The following PRICKLE2 variants were observed in gnomAD, a reference collection of about 807,000 sequenced individuals.
PRICKLE2 encodes the protein prickle-like protein 2.
Under a neutral mutation model 81.4 loss-of-function variants are expected in PRICKLE2, and 21 were observed. The observed-to-expected ratio is 0.26, with a 90% CI of 0.18 to 0.37. The LOEUF is 0.37. PRICKLE2 is among the 10% of genes least tolerant of loss of function. The pLI, the probability that PRICKLE2 is intolerant of heterozygous loss-of-function variation, is 1.00. For missense variants in PRICKLE2, 940 were observed against 1,109.0 expected (o/e 0.85, Z 2.16); for synonymous variants, 456 against 421.5 (o/e 1.08, Z -1.00).
intron 7 of PRICKLE2, 73 bp downstream of exon 7, chr3:64,146,756 AT>A: frequency 1.9e-6 from 3 of 1,558,792 alleles, no homozygotes; most frequent in Non-Finnish European, 2.6e-6. Context: ...AAAAAAAAAA[AT>A]TCCTGGGGAC....
At position 64,099,774 on chromosome 3, in the gene PRICKLE2, T is replaced by A. The variant is rs1471051353; in HGVS notation, c.1812A>T (p.Ser604=). 6.2e-7 allele frequency: 1 copy of A among 1,614,230 alleles called. No homozygotes were observed. Among genetic ancestry groups the A allele is most frequent in the South Asian group, 1.1e-5 (1 of 91,088 alleles). Residue 604 remains serine, a synonymous_variant, in exon 8 of 8, where the codon TCA becomes TCT. Transcript: ENST00000638394. This position sits in a 1 kb window ranked among gnomAD's most constrained non-coding sequence, Gnocchi z 4.3. ...NSSMQFRSAE[S]VRSLLSAQQY... is the part of the protein sequence containing the mutation. ...GCTGGGCAGAGAGCAGGCTGCGAAC[T>A]GACTCTGCGCTCCGGAACTGCATGG... is the stretch of plus-strand genomic sequence containing the variant.
chr3:64,238,143 T>C (rs2079209172), intron 2 of PRICKLE2, among the ~76,000 whole-genome samples: 1 of 152,124 alleles, frequency 6.6e-6, no homozygotes, highest in South Asian at 2.1e-4. Flanking sequence ...ACAGTTGAAA[T>C]GAACAGAAGA....
At chr3:64,105,294 C>T (rs1318288277) in intron 7 of PRICKLE2, among the ~76,000 whole-genome samples, 4 of 152,192 alleles carry the variant, frequency 2.6e-5, no homozygotes, top group African/African-American at 7.2e-5. Flanking sequence ...ACTACTCACC[C>T]TGACTTATTA....
At position 64,163,111 on chromosome 3, in the gene PRICKLE2, A is replaced by G. The variant is rs781210176; in HGVS notation, c.163T>C (p.Cys55Arg). The G allele has an allele frequency of 7.5e-6, 12 of 1,609,704 alleles. No homozygotes were observed. In the Admixed American group the frequency reaches 1.8e-4, roughly 25 times the overall value. ...TAAGGGACTTTCTCTTCTGGGAGAC[A>G]GCTATAGTACTGGTGTACCTGAAGG... The part of the protein sequence containing the change: ...KPEQVHQYYS[C>R]LPEEKVPYVN... The change falls in exon 3 of 8, where the codon TGT (cysteine) becomes CGT (arginine). Residue 55 changes from cysteine (C) to arginine (R), a missense_variant. Physicochemically the swap from Cys to Arg is radical, Grantham distance 180 (BLOSUM62 -3). Around this residue, in one of 2 missense-constraint regions of PRICKLE2, gnomAD observed 270 missense variants for 391.8 expected, o/e 0.69. Coordinates refer to ENST00000638394, the MANE Select transcript of PRICKLE2 (RefSeq NM_198859.4).
At chr3:64,253,936 C>T (rs938735969) in intron 2 of PRICKLE2, among the ~76,000 whole-genome samples, 1 of 152,190 alleles carries the variant, frequency 6.6e-6, no homozygotes, top group African/African-American at 2.4e-5. Context: ...TGCACTGTCG[C>T]ACTCTCTGAA....
At chr3:64,253,758 T>G (rs1346053941) in intron 2 of PRICKLE2, among the ~76,000 whole-genome samples, 1 of 151,176 alleles carries the variant, frequency 6.6e-6, no homozygotes, top group Middle Eastern at 3.2e-3. Flanking sequence ...AAGGACTTAC[T>G]TCTTACCACA....
At chr3:64,184,173 T>C (rs1362713618) in intron 2 of PRICKLE2, among the ~76,000 whole-genome samples, 1 of 152,236 alleles carries the variant, frequency 6.6e-6, no homozygotes, top group Non-Finnish European at 1.5e-5. Flanking sequence ...TTCAAAACAA[T>C]TGGCCATTCT....
At chr3:64,150,140 G>A (rs756165672) in intron 6 of PRICKLE2, among the ~76,000 whole-genome samples, 1 of 151,956 alleles carries the variant, frequency 6.6e-6, no homozygotes, top group Non-Finnish European at 1.5e-5. Flanking sequence ...AGACATCACA[G>A]GGACATGGGA....
intron 2 of PRICKLE2, among the ~76,000 whole-genome samples, chr3:64,245,352 T>C (rs2079331430): frequency 6.6e-6 from 1 of 152,168 alleles, no homozygotes; most frequent in Non-Finnish European, 1.5e-5. Flanking sequence ...AATACTGGAT[T>C]AGAAGTCTTT....
intron 7 of PRICKLE2, among the ~76,000 whole-genome samples, chr3:64,129,648 G>T (rs1301953841): frequency 6.6e-6 from 1 of 152,146 alleles, no homozygotes; most frequent in Non-Finnish European, 1.5e-5. Flanking sequence ...AAGGAACAAG[G>T]AGAAGAGAGA....
intron 2 of PRICKLE2, among the ~76,000 whole-genome samples, chr3:64,177,460 T>C (rs1003868599): frequency 3.3e-5 from 5 of 152,092 alleles, no homozygotes; most frequent in African/African-American, 1.2e-4. Flanking sequence ...AAGTGTACAA[T>C]TCAGTGGCAC....
At chr3:64,156,911 G>A (rs564200182) in intron 5 of PRICKLE2, among the ~76,000 whole-genome samples, 28 of 152,224 alleles carry the variant, frequency 1.8e-4, no homozygotes, top group African/African-American at 6.3e-4. Flanking sequence ...TATGTCACTT[G>A]GGGATCTTCA....
At chr3:64,170,535 T>A (rs1328693504) in intron 2 of PRICKLE2, among the ~76,000 whole-genome samples, 1 of 152,004 alleles carries the variant, frequency 6.6e-6, no homozygotes, top group Non-Finnish European at 1.5e-5. Context: ...TCCATTGGAA[T>A]ATAAACCAGG....
intron 2 of PRICKLE2, among the ~76,000 whole-genome samples, chr3:64,179,639 T>G (rs1388670538): frequency 6.6e-6 from 1 of 152,168 alleles, no homozygotes; most frequent in East Asian, 1.9e-4. Context: ...GTATGCCTGT[T>G]AATGACCACG....
chr3:64,128,298 G>T (rs2077142747), intron 7 of PRICKLE2, among the ~76,000 whole-genome samples: 1 of 152,184 alleles, frequency 6.6e-6, no homozygotes, highest in African/African-American at 2.4e-5. Context: ...CAAGCAAAAA[G>T]AAATTTCTGA....
intron 2 of PRICKLE2, among the ~76,000 whole-genome samples, chr3:64,253,930 C>A (rs1392559118): frequency 6.6e-6 from 1 of 152,188 alleles, no homozygotes; most frequent in South Asian, 2.1e-4. Flanking sequence ...CGCCTGTGCA[C>A]TGTCGCACTC....
In PRICKLE2 at chr3:64,198,892, G is replaced by A. The variant is rs1454034043; in HGVS notation, c.36C>T (p.Thr12=). The A allele has an allele frequency of 1.2e-6, 2 of 1,614,042 alleles. No individual in the cohort carries two copies. Among genetic ancestry groups the A allele is most frequent in the African/African-American group, 2.7e-5 (2 of 74,938 alleles). ...GAAAGTCAAACATGAGTTTGCTGAT[G>A]GTCTTCTCCATCTCCAGCGGCATCA... ...VTVMPLEMEK[T]ISKLMFDFQR... The change falls in exon 2 of 8, where the codon ACC becomes ACT. Residue 12 remains threonine, a synonymous_variant. Transcript: ENST00000638394.
chr3:64,226,619 T>A (rs2079035475), upstream of PRICKLE2, among the ~76,000 whole-genome samples: 1 of 152,204 alleles, frequency 6.6e-6, no homozygotes, highest in Non-Finnish European at 1.5e-5. Context: ...ATTAACACAA[T>A]ATCACATACT....
chr3:64,254,478 A>G (rs906873352), intron 2 of PRICKLE2, among the ~76,000 whole-genome samples: 1 of 152,218 alleles, frequency 6.6e-6, no homozygotes, highest in Non-Finnish European at 1.5e-5. Flanking sequence ...AGCTGTTTTC[A>G]TGGTGATGGT....
Sources: gnomAD v4.1 joint callset for allele counts (sites outside exome capture counted in the v4.1 genomes callset) on GRCh38, gnomAD v4.1.1 for gene constraint, gnomAD v4.1.1 regional missense constraint, Gnocchi (gnomAD v3.1) non-coding constraint, MANE v1.5 for transcripts, NCBI Gene and HGNC (gene_info 2026-07-23, HGNC 2026-07-21) for gene names.